Variants in SPTB observed in about 807,000 individuals in gnomAD.
The protein encoded by SPTB is spectrin beta chain, erythrocytic.
Under a neutral mutation model 256.2 loss-of-function variants are expected in SPTB, and 45 were observed. The ratio of observed to expected loss-of-function variants is 0.18; its 90% CI spans 0.14 to 0.23. The LOEUF (loss-of-function observed/expected upper bound fraction) is 0.23. SPTB is among the 10% of genes least tolerant of loss of function. The probability of loss-of-function intolerance (pLI) is 1.00; values close to 1 mark genes in which losing one functional copy is unlikely to be tolerated. For missense variants in SPTB, 2,715 were observed against 3,040.4 expected (o/e 0.89, Z 2.52); for synonymous variants, 1,231 against 1,243.1 (o/e 0.99, Z 0.21).
chr14:64,782,377 C>T lies in SPTB; in HGVS notation c.4179G>A (p.Lys1393=), dbSNP rs1274294486. 6.2e-7 allele frequency: 1 copy of T among 1,614,172 alleles called. No individual in the cohort carries two copies. The highest frequency in any genetic ancestry group is 1.1e-5 in the South Asian group (1 of 91,082). The change falls in exon 20 of 36, where the codon AAG becomes AAA. Residue 1393 remains lysine, a synonymous_variant. Coordinates refer to ENST00000644917, the MANE Select transcript of SPTB (RefSeq NM_001355436.2). ...LRLQTHADLN[K]WISAMEDQLR... The stretch of plus-strand genomic sequence containing the variant: ...GCTGGTCCTCCATGGCGCTGATCCA[C>T]TTGTTGAGGTCAGCATGGGTCTGCA...
Position 64,787,049 on chromosome 14 carries a change from G to T in SPTB, c.2916C>A (p.Asp972Glu). Residue 972 changes from aspartate to glutamate, a missense_variant, in exon 16 of 36, where the codon GAC becomes GAA. Physicochemically the swap from Asp to Glu is conservative, Grantham distance 45. Around this residue, in one of 4 missense-constraint regions of SPTB, gnomAD observed 2,239 missense variants for 2,384.4 expected, o/e 0.94. Transcript: ENST00000644917. ...TTGTGGACTCCACTACCTTTGTCTTGTCCGTGATCCACTTGCTGGTCTCCT... is the reference window on the plus strand; with the variant it reads ...TTGTGGACTCCACTACCTTTGTCTTTTCCGTGATCCACTTGCTGGTCTCCT... ...DCEETSKWIT[D>E]KTKVVESTKD... 2 of 1,613,920 alleles carry T rather than the reference G, an allele frequency of 1.2e-6. No individual in the cohort carries two copies. Among genetic ancestry groups the T allele is most frequent in the South Asian group, 1.1e-5 (1 of 91,078 alleles).
chr14:64,768,615 T>C (rs910500347), intron 29 of SPTB, among the ~76,000 whole-genome samples: 2 of 151,984 alleles, frequency 1.3e-5, no homozygotes, highest in African/African-American at 4.8e-5. Flanking sequence ...TCATGAGGAA[T>C]GTCTGGGATT....
rs934422185 is a variant in SPTB at position 64,760,896 on chromosome 14, T to A, written c.6345+5830A>T. ...GTCTGTCTGGCACCAAACTCTGTGT[T>A]CTTACTAATTCTCCTGCAAGAGAGG... On this transcript the variant is annotated intron_variant, in intron 32 of 35. Coordinates refer to ENST00000644917, the MANE Select transcript of SPTB (RefSeq NM_001355436.2). This position sits in a 1 kb window ranked among gnomAD's most constrained non-coding sequence, Gnocchi z 4.3. Among the ~76,000 whole-genome samples, 1 of 152,208 alleles carries A rather than the reference T, an allele frequency of 6.6e-6. No individual in the cohort carries two copies. The highest frequency in any genetic ancestry group is 1.5e-5 in the Non-Finnish European group (1 of 68,034).
In SPTB at chr14:64,748,304, G is replaced by A. The variant is rs949955166; in HGVS notation, c.*1002C>T. ...GGCTTTGGGATGCTTTACTGCAGGT[G>A]CGGGGGGTATCCATCTTATATCTGG... On this transcript the variant is annotated 3_prime_UTR_variant, in exon 36 of 36. Transcript: ENST00000644917. The A allele has an allele frequency of 2.6e-5, 4 of 152,268 alleles. No individual in the cohort carries two copies. The highest frequency in any genetic ancestry group is 9.6e-5 in the African/African-American group (4 of 41,456). 9.4% of individuals were successfully genotyped at this position (152,268 alleles called of 1,614,324 possible).
In SPTB at chr14:64,786,645, T is replaced by C; in HGVS notation, c.3320A>G (p.Lys1107Arg). 1 of 1,614,178 alleles carries C rather than the reference T, an allele frequency of 6.2e-7. No individual in the cohort carries two copies. The highest frequency in any genetic ancestry group is 8.5e-7 in the Non-Finnish European group (1 of 1,179,996). Residue 1107 changes from lysine (K) to arginine (R), a missense_variant, in exon 16 of 36, where the codon AAG becomes AGG. Physicochemically the swap from Lys to Arg is conservative, Grantham distance 26. Coordinates refer to ENST00000644917, the MANE Select transcript of SPTB (RefSeq NM_001355436.2). This position sits in a 1 kb window ranked among gnomAD's most constrained non-coding sequence, Gnocchi z 5.6. ...EQLLQQHAGI[K>R]DEIDGHQDSY... ...GTCTTGGTGCCCGTCAATCTCATCC[T>C]TGATACCTGCATGCTGCTGCAGGAG...
Position 64,779,140 on chromosome 14 carries a change from G to A in SPTB, c.4563+17C>T. 6.2e-7 allele frequency: 1 copy of A among 1,610,578 alleles called. No individual in the cohort carries two copies. Among genetic ancestry groups the A allele is most frequent in the Non-Finnish European group, 8.5e-7 (1 of 1,177,958 alleles). On this transcript the variant is annotated intron_variant, in intron 22 of 35. Coordinates refer to ENST00000644917, the MANE Select transcript of SPTB (RefSeq NM_001355436.2). The surrounding 1 kb of genome is among the most constrained non-coding windows in gnomAD (Gnocchi z 4.2). ...GAGGAGGGGTGGGTGGGGCTGGTGA[G>A]GTGACGCAGGACTCACCTGGTTCTT...
rs1159598757 is a variant in SPTB at position 64,749,437 on chromosome 14, C to T, written c.6856G>A (p.Ala2286Thr). The T allele has an allele frequency of 6.2e-7, 1 of 1,603,336 alleles. No individual in the cohort carries two copies. The highest frequency in any genetic ancestry group is 2.2e-5 in the East Asian group (1 of 44,836). Residue 2286 changes from alanine (A) to threonine (T), a missense_variant, in exon 36 of 36, where the codon GCC (alanine) becomes ACC (threonine). Transcript: ENST00000644917. This position sits in a 1 kb window ranked among gnomAD's most constrained non-coding sequence, Gnocchi z 4.7. The stretch of plus-strand genomic sequence containing the variant: ...CGGATGCTCTGGGACTCGTTGATGG[C>T]GGTGCTCACGCCCTGCAGCCAGGAC... ...MLSWLQGVST[A>T]INESQSIRVK...
At chr14:64,767,195 G>A (rs1371541204) in intron 31 of SPTB, 108 bp downstream of exon 31, 2 of 1,419,442 alleles carry the variant, frequency 1.4e-6, no homozygotes, top group African/African-American at 1.4e-5. Context: ...GGTGCCCAGT[G>A]TGAGAAGTCA....
In SPTB at chr14:64,802,935, T is replaced by C. The variant is rs1281123912; in HGVS notation, c.475-618A>G. On this transcript the variant is annotated intron_variant, in intron 4 of 35. Coordinates refer to ENST00000644917, the MANE Select transcript of SPTB (RefSeq NM_001355436.2). The surrounding 1 kb of genome is among the most constrained non-coding windows in gnomAD (Gnocchi z 5.1). ...CATGAATGCTGATGAGTACTATACT[T>C]TCATTAGCAGCTCCTCTTGCCTTTC... 6.6e-6 allele frequency among the ~76,000 whole-genome samples: 1 copy of C among 152,230 alleles called. No individual in the cohort carries two copies.
rs1483838628 is a variant in SPTB at position 64,785,732 on chromosome 14, C to T, written c.3764+17G>A. On this transcript the variant is annotated intron_variant, in intron 17 of 35. Transcript: ENST00000644917. The surrounding 1 kb of genome is among the most constrained non-coding windows in gnomAD (Gnocchi z 4.4). The stretch of plus-strand genomic sequence containing the variant: ...GTGTGGCTCTGGGGGCCTCGTGGCC[C>T]TGGGGCCCGGGAGTACCTGTCCTCA... 1.9e-6 allele frequency: 3 copies of T among 1,614,030 alleles called. No individual in the cohort carries two copies. Among genetic ancestry groups the T allele is most frequent in the Non-Finnish European group, 1.7e-6 (2 of 1,180,032 alleles).
intron 20 of SPTB, 134 bp downstream of exon 20, chr14:64,782,156 C>T (rs2082482811): frequency 3.8e-6 from 5 of 1,301,650 alleles, no homozygotes; most frequent in Non-Finnish European, 4.4e-6. Flanking sequence ...GCAATAAACC[C>T]CCATGACATG....
rs374561563 is a variant in SPTB at position 64,751,927 on chromosome 14, C to CAAAAAAAAAAAA, written c.6602+1598_6602+1609dup. Among the ~76,000 whole-genome samples the CAAAAAAAAAAAA allele has an allele frequency of 1.4e-3, 100 of 71,892 alleles. 2 individuals are homozygous for CAAAAAAAAAAAA. The highest frequency in any genetic ancestry group is 5.4e-3 in the African/African-American group (94 of 17,454). The allele number at this position is 71,892 out of a possible 152,430, so 47.2% of individuals were successfully genotyped here. ...TGAAACCCCATTTCTACTAAAAATG[C>CAAAAAAAAAAAA]AAAAAAAAAAAAAAAAATTAGCCAG... On this transcript the variant is annotated intron_variant, in intron 33 of 35. Coordinates refer to ENST00000644917, the MANE Select transcript of SPTB (RefSeq NM_001355436.2).
chr14:64,878,515 C>T (rs771488132), intron 1 of SPTB, among the ~76,000 whole-genome samples: 7 of 151,948 alleles, frequency 4.6e-5, no homozygotes, highest in Admixed American at 1.3e-4. Context: ...AAGGGGTGGG[C>T]GAAGAGGGAA....
At chr14:64,871,969 A>G (rs2139825699) in intron 1 of SPTB, among the ~76,000 whole-genome samples, 1 of 152,368 alleles carries the variant, frequency 6.6e-6, no homozygotes, top group South Asian at 2.1e-4. Context: ...TCCATCACAT[A>G]GTATAAACGT....
At chr14:64,787,631 T>C (rs559277227) in intron 15 of SPTB, among the ~76,000 whole-genome samples, 1 of 152,318 alleles carries the variant, frequency 6.6e-6, no homozygotes, top group South Asian at 2.1e-4. Flanking sequence ...AGAGATCACC[T>C]TGGATCTAAG....
chr14:64,852,111 G>A lies in SPTB; in HGVS notation c.-52+27681C>T, dbSNP rs12147495. Among the ~76,000 whole-genome samples the A allele has an allele frequency of 0.099, 15,136 of 152,186 alleles. 929 individuals carry two copies. Among genetic ancestry groups the A allele is most frequent in the Non-Finnish European group, 0.14 (9,289 of 67,992 alleles). On this transcript the variant is annotated intron_variant, in intron 1 of 35. Transcript: ENST00000644917. This position sits in a 1 kb window ranked among gnomAD's most constrained non-coding sequence, Gnocchi z 4.2. ...CAGGCTAGGTGACAACGAGGAAAGG[G>A]AAGTACCTGGGGTTTCATGGGAGCA...
At chr14:64,821,345 C>T (rs1383423603) in intron 2 of SPTB, among the ~76,000 whole-genome samples, 1 of 152,102 alleles carries the variant, frequency 6.6e-6, no homozygotes, top group Non-Finnish European at 1.5e-5. Context: ...CATGGTTGGC[C>T]AGGGGTTTAG....
rs1026757209 is a variant in SPTB, at chr14:64,824,766, G to A, written c.-51-1621C>T. Among the ~76,000 whole-genome samples, 1 of 152,202 alleles carries A rather than the reference G, an allele frequency of 6.6e-6. No individual in the cohort carries two copies. Among genetic ancestry groups the A allele is most frequent in the Non-Finnish European group, 1.5e-5 (1 of 68,028 alleles). On this transcript the variant is annotated intron_variant, in intron 1 of 35. Coordinates refer to ENST00000644917, the MANE Select transcript of SPTB (RefSeq NM_001355436.2). The surrounding 1 kb of genome is among the most constrained non-coding windows in gnomAD (Gnocchi z 5.7). ...CCAGGCACATGATCACGGAGGCACTGAAGCACATTCACCAGCCCAAGTGTG... is the reference window on the plus strand; with the variant it reads ...CCAGGCACATGATCACGGAGGCACTAAAGCACATTCACCAGCCCAAGTGTG...
intron 33 of SPTB, 40 bp downstream of exon 33, chr14:64,753,497 G>A (rs746584891): frequency 6.2e-7 from 1 of 1,612,086 alleles, no homozygotes; most frequent in East Asian, 2.2e-5. Flanking sequence ...CCTGAGAGCT[G>A]CCCAACCTAC....
Sources: allele counts gnomAD v4.1 joint callset (sites outside exome capture counted in the v4.1 genomes callset), GRCh38; gene constraint gnomAD v4.1.1; regional missense constraint gnomAD v4.1.1; non-coding constraint Gnocchi (gnomAD v3.1); transcripts MANE v1.5; gene names NCBI Gene and HGNC (gene_info 2026-07-23, HGNC 2026-07-21).